Variants in MYOM3 observed in about 807,000 individuals in gnomAD.
MYOM3 encodes myomesin-3.
MYOM3 carries 155 observed loss-of-function variants against 191.7 expected under a neutral mutation model. That is an observed-to-expected ratio of 0.81 (90% CI 0.71 to 0.92). The LOEUF is 0.92. Among genes scored for constraint, MYOM3 ranks in the 40% least tolerant of loss-of-function variants. MYOM3 has a pLI of 0.00. For synonymous variants in MYOM3, 757 were observed against 762.9 expected, an observed-to-expected ratio of 0.99 and a Z score of 0.13; for missense variants, 1,889 against 1,890.6, an observed-to-expected ratio of 1.00 and a Z score of 0.02.
chr1:24,104,462 A>C (rs2148561367), intron 5 of MYOM3, among the ~76,000 whole-genome samples: 1 of 151,968 alleles, frequency 6.6e-6, no homozygotes, highest in Non-Finnish European at 1.5e-5. Context: ...TGAAGGTGAG[A>C]TTGTGTCTGG....
chr1:24,067,547 C>T (rs1283295624), intron 27 of MYOM3, among the ~76,000 whole-genome samples: 4 of 151,418 alleles, frequency 2.6e-5, no homozygotes, highest in Non-Finnish European at 4.4e-5. Context: ...ACTGCAAGCT[C>T]CGCCTCCTGG....
In MYOM3 at chr1:24,064,106, C is replaced by T; in HGVS notation, c.3588G>A (p.Gly1196=). Residue 1196 remains glycine (G), a synonymous_variant, in exon 30 of 37, where the codon GGG becomes GGA. Coordinates refer to ENST00000374434, the MANE Select transcript of MYOM3 (RefSeq NM_152372.4). ...IYRAMVSDDR[G]EDDTILDLTG... ...TGAGGTCCAATATGGTGTCGTCCTC[C>T]CCTCGATCGTCAGAAACCATCGCTC... The T allele has an allele frequency of 1.2e-6, 2 of 1,614,076 alleles. No individual in the cohort carries two copies. The highest frequency in any genetic ancestry group is 1.7e-5 in the Admixed American group (1 of 60,014).
In MYOM3 at chr1:24,093,108, C is replaced by T. The variant is rs1264703882; in HGVS notation, c.929G>A (p.Gly310Glu). Residue 310 changes from glycine (G) to glutamate (E), a missense_variant and splice_region_variant, in exon 10 of 37, where the codon GGG (glycine) becomes GAG (glutamate). Transcript: ENST00000374434. ...DAESIQWFRD[G>E]SLLRSSRRRK... ...ACGTCTCGAGGACCTCAGTAGGCTC[C>T]CTGTGGAGGGGAAGTGGGGGGCCAT... 6 of 1,605,742 alleles carry T rather than the reference C, an allele frequency of 3.7e-6. No homozygotes were observed. The highest frequency in any genetic ancestry group is 5.1e-6 in the Non-Finnish European group (6 of 1,179,012).
At chr1:24,068,420 G>T (rs1173128409) in intron 25 of MYOM3, 53 bp from the exon 26 acceptor site, 2 of 1,607,856 alleles carry the variant, frequency 1.2e-6, no homozygotes, top group Non-Finnish European at 8.5e-7. Flanking sequence ...ACTTTGTTGT[G>T]GGGTACACAT....
intron 5 of MYOM3, among the ~76,000 whole-genome samples, chr1:24,103,830 A>C (rs6674939): frequency 0.033 from 4,908 of 149,510 alleles, 87 homozygotes; most frequent in Middle Eastern, 0.051. Flanking sequence ...CCGCCCCACA[A>C]AATGCTTAAA....
intron 33 of MYOM3, 89 bp downstream of exon 33, chr1:24,061,846 CCTCCCAAAGTG>C: frequency 7.5e-7 from 1 of 1,329,762 alleles, no homozygotes; most frequent in Non-Finnish European, 1.1e-6. Flanking sequence ...CCCACTTCAG[CCTCCCAAAGTG>C]CTGGGATTAC....
At position 24,108,059 on chromosome 1, in the gene MYOM3, T is replaced by G; in HGVS notation, c.176A>C (p.Glu59Ala). ...RTFRSSEEEH[E>A]FSAADYALAA... is the part of the protein sequence containing the mutation. ...CAGGGCGTAGTCCGCGGCGCTGAAC[T>G]CATGCTCTTCTTCGCTGCTCCCAGA... Residue 59 changes from glutamate (E) to alanine (A), a missense_variant, in exon 3 of 37, where the codon GAG (glutamate) becomes GCG (alanine). By Grantham distance (107) the Glu-to-Ala change is moderately radical (BLOSUM62 -1). Transcript: ENST00000374434. 8.7e-6 allele frequency: 14 copies of G among 1,613,670 alleles called. No individual in the cohort carries two copies. Among genetic ancestry groups the G allele is most frequent in the Non-Finnish European group, 1.0e-5 (12 of 1,179,798 alleles).
At position 24,063,383 on chromosome 1, in the gene MYOM3, G is replaced by T; in HGVS notation, c.3661+109C>A. ...AGGCGGGATTTTCTCTTCGGTGTTTGAGGTTAGAAACTAAACCCACCCCCA... is the reference window on the plus strand; with the variant it reads ...AGGCGGGATTTTCTCTTCGGTGTTTTAGGTTAGAAACTAAACCCACCCCCA... On this transcript the variant is annotated intron_variant, in intron 31 of 36. Transcript: ENST00000374434. The surrounding 1 kb of genome is among the most constrained non-coding windows in gnomAD (Gnocchi z 4.5). 1 of 1,452,876 alleles carries T rather than the reference G, an allele frequency of 6.9e-7. No individual in the cohort carries two copies. The highest frequency in any genetic ancestry group is 9.7e-7 in the Non-Finnish European group (1 of 1,035,630). The allele number at this position is 1,452,876 out of a possible 1,614,324, so 90.0% of individuals were successfully genotyped here.
At chr1:24,074,855 G>C (rs575917028) in intron 22 of MYOM3, among the ~76,000 whole-genome samples, 2 of 152,270 alleles carry the variant, frequency 1.3e-5, no homozygotes, top group Admixed American at 1.3e-4. Flanking sequence ...GAGGCTGAGT[G>C]GGGAGGATTG....
In MYOM3 at chr1:24,084,638, A is replaced by C; in HGVS notation, c.1800T>G (p.Ala600=). The C allele has an allele frequency of 6.2e-7, 1 of 1,609,260 alleles. No individual in the cohort carries two copies. Among genetic ancestry groups the C allele is most frequent in the African/African-American group, 1.3e-5 (1 of 74,646 alleles). Residue 600 remains alanine, a splice_region_variant and synonymous_variant, in exon 16 of 37, where the codon GCT becomes GCG. Coordinates refer to ENST00000374434, the MANE Select transcript of MYOM3 (RefSeq NM_152372.4). ...GAACTTGAGCTGGAGGAGGGAGGGT[A>C]GCTAAAAAATAGAAACATGGGCTGA... The part of the protein sequence containing the change: ...SEPIALRGPP[A]TLPPPAQVQA...
intron 16 of MYOM3, chr1:24,083,418 T>G (rs10903092): frequency 0.41 from 61,827 of 152,614 alleles, 12,842 homozygotes; most frequent in East Asian, 0.43. Context: ...GGCCACAAAC[T>G]GAAGGCTGCA....
At position 24,092,188 on chromosome 1, in the gene MYOM3, G is replaced by A; in HGVS notation, c.1218C>T (p.Ala406=). 2 of 1,464,900 alleles carry A rather than the reference G, an allele frequency of 1.4e-6. No homozygotes were observed. Among genetic ancestry groups the A allele is most frequent in the East Asian group, 2.7e-5 (1 of 37,176 alleles). The allele number at this position is 1,464,900 out of a possible 1,614,324, so 90.7% of individuals were successfully genotyped here. Residue 406 remains alanine (A), a synonymous_variant, in exon 11 of 37, where the codon GCC becomes GCT. Transcript: ENST00000374434. ...PSDTRGNPIT[A]YTIERCQGES... ...GGTCGACTCACCGCTCAATGGTGTA[G>A]GCAGTGATGGGGTTGCCCCGGGTGT...
intron 5 of MYOM3, among the ~76,000 whole-genome samples, chr1:24,105,055 G>C (rs369231589): frequency 6.6e-6 from 1 of 152,178 alleles, no homozygotes; most frequent in African/African-American, 2.4e-5. Context: ...TCCAATGTGT[G>C]CCTGTGCAGG....
intron 1 of MYOM3, among the ~76,000 whole-genome samples, chr1:24,110,529 C>T (rs959188328): frequency 1.3e-5 from 2 of 152,098 alleles, no homozygotes; most frequent in Admixed American, 6.5e-5. Context: ...GTGTCTGGGG[C>T]TCGGGCTGTG....
At chr1:24,076,517 T>TC (rs1216257345) in intron 20 of MYOM3, among the ~76,000 whole-genome samples, 1 of 64,194 alleles carries the variant, frequency 1.6e-5, no homozygotes, top group East Asian at 4.8e-4. Flanking sequence ...CTTTTTTTTT[T>TC]TTTTTTTTTT....
At chr1:24,103,764 A>ATAAT (rs113613251) in intron 5 of MYOM3, among the ~76,000 whole-genome samples, 129 of 151,902 alleles carry the variant, frequency 8.5e-4, no homozygotes, top group African/African-American at 2.8e-3. Context: ...TCTTAATTGA[A>ATAAT]TAACTGTCTT....
chr1:24,057,026 T>G lies in MYOM3; in HGVS notation c.*338A>C, dbSNP rs1570844758. The G allele has an allele frequency of 3.9e-6, 1 of 259,090 alleles. No homozygotes were observed. Among genetic ancestry groups the G allele is most frequent in the Non-Finnish European group, 7.3e-6 (1 of 136,478 alleles). 16.0% of individuals were successfully genotyped at this position (259,090 alleles called of 1,614,324 possible). A position where few individuals can be genotyped will look rare whatever the true frequency, so the allele number is the denominator to read the frequency against. On this transcript the variant is annotated 3_prime_UTR_variant, in exon 37 of 37. Transcript: ENST00000374434. ...CCCTTGGCACTTTTGACATCTGGGG[T>G]CGGATAATTCTATGTGGTGGGAGCT...
At chr1:24,094,802 C>G (rs1452174667) in intron 9 of MYOM3, 51 bp downstream of exon 9, 1 of 1,564,762 alleles carries the variant, frequency 6.4e-7, no homozygotes, top group Non-Finnish European at 8.7e-7. Flanking sequence ...CTGAGTTGAG[C>G]TTTGGAGGGG....
At chr1:24,080,860 G>T (rs1643659604) in intron 19 of MYOM3, among the ~76,000 whole-genome samples, 1 of 152,194 alleles carries the variant, frequency 6.6e-6, no homozygotes, top group Non-Finnish European at 1.5e-5. Flanking sequence ...TCCTCAGTGG[G>T]AGGTGAGGGG....
Sources: gnomAD v4.1 joint callset for allele counts (sites outside exome capture counted in the v4.1 genomes callset) on GRCh38, gnomAD v4.1.1 for gene constraint, Gnocchi (gnomAD v3.1) non-coding constraint, MANE v1.5 for transcripts, NCBI Gene and HGNC (gene_info 2026-07-23, HGNC 2026-07-21) for gene names.